The following EPB41 variants were observed in gnomAD, a reference collection of about 807,000 sequenced individuals.
EPB41 encodes protein 4.1.
EPB41 carries 65 observed loss-of-function variants against 108.0 expected under a neutral mutation model. That is an observed-to-expected ratio of 0.60 (90% CI 0.49 to 0.74). EPB41 has a LOEUF of 0.74. Ranked by LOEUF, EPB41 falls within the 30% of genes least tolerant of loss-of-function variation. The pLI, the probability that EPB41 is intolerant of heterozygous loss-of-function variation, is 0.00. For missense variants in EPB41, 875 were observed against 1,037.0 expected (o/e 0.84, Z 2.15); for synonymous variants, 336 against 358.9 (o/e 0.94, Z 0.72).
chr1:28,971,160 T>C (rs1221768795), intron 1 of EPB41, among the ~76,000 whole-genome samples: 1 of 146,372 alleles, frequency 6.8e-6, no homozygotes, highest in Non-Finnish European at 1.5e-5. Flanking sequence ...ATTTAATCTT[T>C]TTTTTTTCTT....
rs1000130058 is a variant in EPB41, at chr1:28,971,180, CT to C, written c.-7-16228del. Among the ~76,000 whole-genome samples, 355 of 66,352 alleles carry C rather than the reference CT, an allele frequency of 5.4e-3. 1 individual carries two copies. The highest frequency in any genetic ancestry group is 7.0e-3 in the Non-Finnish European group (271 of 38,940). The allele number at this position is 66,352 out of a possible 152,430, so 43.5% of individuals were successfully genotyped here. On this transcript the variant is annotated intron_variant, in intron 1 of 20. Coordinates refer to ENST00000343067, the MANE Select transcript of EPB41 (RefSeq NM_001376013.1). The stretch of plus-strand genomic sequence containing the variant: ...ATCTTTTTTTTTTCTTTCTTTCTTT[CT>C]TTTTTTTTTTTTTTTTTTTTTTGGG...
chr1:29,007,363 A>G (rs752744174), intron 4 of EPB41, among the ~76,000 whole-genome samples: 2 of 152,220 alleles, frequency 1.3e-5, no homozygotes, highest in Non-Finnish European at 2.9e-5. Context: ...GCCTTTTGGT[A>G]TACATCTCAC....
At chr1:29,003,052 G>A (rs982361451) in intron 4 of EPB41, among the ~76,000 whole-genome samples, 1 of 152,098 alleles carries the variant, frequency 6.6e-6, no homozygotes, top group African/African-American at 2.4e-5. Flanking sequence ...CTGATCTGTT[G>A]GAGCCAGTGA....
intron 11 of EPB41, among the ~76,000 whole-genome samples, chr1:29,048,803 C>A (rs1643985772): frequency 6.6e-6 from 1 of 152,114 alleles, no homozygotes. Context: ...TTTTAAGTAT[C>A]TGAAGTGCAT....
chr1:28,948,558 G>T (rs937172808), intron 1 of EPB41, among the ~76,000 whole-genome samples: 4 of 151,468 alleles, frequency 2.6e-5, no homozygotes, highest in Non-Finnish European at 5.9e-5. Flanking sequence ...ACTATTGGAG[G>T]ATAGCAAGAA....
At chr1:28,989,190 A>C (rs1411419898) in intron 2 of EPB41, among the ~76,000 whole-genome samples, 1 of 152,234 alleles carries the variant, frequency 6.6e-6, no homozygotes, top group Non-Finnish European at 1.5e-5. Context: ...CAGATGAGGA[A>C]GTCTAGCTCT....
intron 16 of EPB41, among the ~76,000 whole-genome samples, chr1:29,086,967 C>CA (rs1659247026): frequency 1.1e-5 from 1 of 92,134 alleles, no homozygotes; most frequent in South Asian, 3.8e-4. Context: ...TTTTTTGAGA[C>CA]AGAGTCTTGC....
intron 1 of EPB41, among the ~76,000 whole-genome samples, chr1:28,921,457 A>G (rs985518582): frequency 2.0e-5 from 3 of 152,108 alleles, no homozygotes; most frequent in African/African-American, 7.2e-5. Flanking sequence ...GGACACAGGC[A>G]GGACTCTCAG....
chr1:29,043,432 A>T (rs1214568920), intron 11 of EPB41, among the ~76,000 whole-genome samples: 1 of 152,212 alleles, frequency 6.6e-6, no homozygotes, highest in African/African-American at 2.4e-5. Context: ...TTCTGTGCTG[A>T]TGGAAATCTT....
At chr1:28,901,730 C>T (rs1475944677) in intron 1 of EPB41, among the ~76,000 whole-genome samples, 3 of 151,992 alleles carry the variant, frequency 2.0e-5, no homozygotes, top group Non-Finnish European at 2.9e-5. Context: ...GACAGGGTTT[C>T]GCCATGTTGA....
chr1:28,967,154 G>A (rs943809609), intron 1 of EPB41, among the ~76,000 whole-genome samples: 62 of 151,948 alleles, frequency 4.1e-4, no homozygotes, highest in African/African-American at 1.4e-3. Context: ...GAGTAGCTGG[G>A]ACTACAGGTG....
At chr1:29,090,918 T>A (rs1660960534) in intron 16 of EPB41, among the ~76,000 whole-genome samples, 2 of 152,194 alleles carry the variant, frequency 1.3e-5, no homozygotes, top group South Asian at 4.1e-4. Context: ...GAGAAGTTGA[T>A]TTGACCATAT....
At chr1:29,025,807 G>A (rs1223422956) in intron 7 of EPB41, among the ~76,000 whole-genome samples, 1 of 151,792 alleles carries the variant, frequency 6.6e-6, no homozygotes, top group Non-Finnish European at 1.5e-5. Context: ...TCTGGCTTGG[G>A]ATATTGAGGC....
chr1:29,095,745 C>G (rs1662972426), intron 16 of EPB41, among the ~76,000 whole-genome samples: 1 of 151,484 alleles, frequency 6.6e-6, no homozygotes, highest in South Asian at 2.1e-4. Flanking sequence ...GCACTCCAGC[C>G]TGGGTGACAG....
chr1:28,974,642 G>A (rs61785238), intron 1 of EPB41, among the ~76,000 whole-genome samples: 4 of 152,106 alleles, frequency 2.6e-5, no homozygotes, highest in Non-Finnish European at 5.9e-5. Context: ...GAGAAGGACA[G>A]CACTTAGGAT....
At chr1:28,983,055 C>T (rs1327274533) in intron 1 of EPB41, among the ~76,000 whole-genome samples, 2 of 152,100 alleles carry the variant, frequency 1.3e-5, no homozygotes, top group Admixed American at 1.3e-4. Context: ...TCATTACTTC[C>T]TAAATGTGGC....
intron 16 of EPB41, among the ~76,000 whole-genome samples, chr1:29,093,540 A>G (rs1662076124): frequency 6.6e-6 from 1 of 152,156 alleles, no homozygotes; most frequent in African/African-American, 2.4e-5. Flanking sequence ...GAAGCTCTTA[A>G]GTTTAATTAG....
chr1:28,997,515 C>T (rs540946863), intron 4 of EPB41, among the ~76,000 whole-genome samples, 196 bp downstream of exon 4: 1 of 152,210 alleles, frequency 6.6e-6, no homozygotes, highest in African/African-American at 2.4e-5. Flanking sequence ...CTGGTGTATT[C>T]TTTCATCATT....
intron 4 of EPB41, among the ~76,000 whole-genome samples, chr1:29,002,358 G>A (rs1235259251): frequency 2.0e-5 from 3 of 151,976 alleles, no homozygotes; most frequent in South Asian, 4.2e-4. Context: ...AGGTTGAGGT[G>A]GGAGGATAAC....
Sources: allele counts gnomAD v4.1 joint callset (sites outside exome capture counted in the v4.1 genomes callset), GRCh38; gene constraint gnomAD v4.1.1; transcripts MANE v1.5; gene names NCBI Gene and HGNC (gene_info 2026-07-23, HGNC 2026-07-21).